The following ACACB variants were observed in gnomAD, a reference collection of about 807,000 sequenced individuals.
ACACB encodes acetyl-CoA carboxylase beta, also known as acetyl-CoA carboxylase 2.
A neutral mutation model predicts 278.8 loss-of-function variants in ACACB; 209 were observed. The ratio of observed to expected loss-of-function variants is 0.75; its 90% confidence interval spans 0.67 to 0.84. ACACB has a LOEUF of 0.84. ACACB is among the 40% of genes least tolerant of loss of function. The pLI is 0.00. For missense variants in ACACB, 2,850 were observed against 3,269.0 expected (o/e 0.87, Z 3.13); for synonymous variants, 1,174 against 1,285.6 (o/e 0.91, Z 1.86).
intron 36 of ACACB, chr12:109,241,694 A>G: frequency 4.6e-6 from 1 of 218,818 alleles, no homozygotes. Flanking sequence ...GTTGACTGTA[A>G]TGCAGTCCTC....
Position 109,185,493 on chromosome 12 carries a change from T to G in ACACB, c.1819-86T>G, listed in dbSNP as rs995089343. ...TATATCCTAAATCATTGACTGAACC[T>G]CCGTTGCATCTACCACTGTGCCTGG... On this transcript the variant is annotated intron_variant, in intron 11 of 52. Coordinates refer to ENST00000338432, the MANE Select transcript of ACACB (RefSeq NM_001093.4). The G allele has an allele frequency of 1.3e-4, 189 of 1,435,216 alleles. 1 individual carries two copies. The highest frequency in any genetic ancestry group is 8.3e-4 in the South Asian group (71 of 85,710). The allele number at this position is 1,435,216 out of a possible 1,614,324, so 88.9% of individuals were successfully genotyped here. A position where few individuals can be genotyped will look rare whatever the true frequency, so the allele number is the denominator to read the frequency against.
At chr12:109,257,617 C>T (rs1278247928) in intron 45 of ACACB, among the ~76,000 whole-genome samples, 1 of 152,166 alleles carries the variant, frequency 6.6e-6, no homozygotes, top group African/African-American at 2.4e-5. Context: ...GTCACCCAGG[C>T]TGGAGTGCAG....
intron 1 of ACACB, among the ~76,000 whole-genome samples, chr12:109,117,464 A>G (rs1218037126): frequency 6.6e-6 from 1 of 152,158 alleles, no homozygotes; most frequent in East Asian, 1.9e-4. Flanking sequence ...CTTTCTTTCA[A>G]TGTTGAAAAA....
Position 109,259,123 on chromosome 12 carries a change from G to A in ACACB, c.6496+15G>A, listed in dbSNP as rs370454977. The A allele has an allele frequency of 1.9e-6, 3 of 1,613,040 alleles. No individual in the cohort carries two copies. The highest frequency in any genetic ancestry group is 2.7e-5 in the African/African-American group (2 of 74,902). ...TGGCATGAAAGGTAAGCCCCTCCCT[G>A]CCTATGTTACCCCAAAGCCTTGGGG... On this transcript the variant is annotated intron_variant, in intron 47 of 52. Transcript: ENST00000338432.
intron 2 of ACACB, among the ~76,000 whole-genome samples, chr12:109,154,257 T>C (rs1160076720): frequency 6.6e-6 from 1 of 152,198 alleles, no homozygotes; most frequent in African/African-American, 2.4e-5. Context: ...CACTGGGTGA[T>C]TGCGCAGCCA....
At chr12:109,111,904 G>T (rs2042302358), upstream of ACACB, among the ~76,000 whole-genome samples, 1 of 151,970 alleles carries the variant, frequency 6.6e-6, no homozygotes, top group Non-Finnish European at 1.5e-5. Flanking sequence ...TACATTTTGT[G>T]GTCAGCAAGC....
chr12:109,204,166 T>C (rs2045421922), intron 19 of ACACB, among the ~76,000 whole-genome samples: 1 of 152,136 alleles, frequency 6.6e-6, no homozygotes, highest in Non-Finnish European at 1.5e-5. Flanking sequence ...ATTTTTCATT[T>C]CTTTGCGCTA....
At chr12:109,205,806 G>A (rs1457717479) in intron 19 of ACACB, among the ~76,000 whole-genome samples, 1 of 151,938 alleles carries the variant, frequency 6.6e-6, no homozygotes, top group African/African-American at 2.4e-5. Context: ...GTGGGGATGG[G>A]TGTGGGTGGA....
In ACACB at chr12:109,241,116, C is replaced by A; in HGVS notation, c.4857C>A (p.Gly1619=). The change falls in exon 36 of 53, where the codon GGC becomes GGA. Residue 1619 remains glycine (G), a synonymous_variant. Transcript: ENST00000338432. Reference sequence around the variant, plus strand: ...TGCGCTACATGGTTATGCGCTACGGCAGCCGGCTGTGGAAACTCCGTGTGC... The same window carrying A: ...TGCGCTACATGGTTATGCGCTACGGAAGCCGGCTGTGGAAACTCCGTGTGC... ...ESVRYMVMRY[G]SRLWKLRVLQ... The A allele has an allele frequency of 1.2e-6, 2 of 1,614,168 alleles. No homozygotes were observed. Among genetic ancestry groups the A allele is most frequent in the African/African-American group, 1.3e-5 (1 of 75,030 alleles).
intron 11 of ACACB, among the ~76,000 whole-genome samples, chr12:109,181,840 C>CTTTTTTTTTTTTTTTTTTTTTTTTTTTT (rs34174568): frequency 4.9e-5 from 4 of 81,550 alleles, no homozygotes; most frequent in Non-Finnish European, 6.4e-5. Context: ...TTTTCCTTTC[C>CTTTTTTTTTTTTTTTTTTTTTTTTTTTT]TTTTTTTTTT....
intron 9 of ACACB, among the ~76,000 whole-genome samples, chr12:109,176,765 T>C (rs1468290598): frequency 6.6e-6 from 1 of 152,176 alleles, no homozygotes; most frequent in Non-Finnish European, 1.5e-5. Flanking sequence ...TACAGGCGTG[T>C]GCCACCACAC....
chr12:109,148,399 G>T (rs754734187), intron 2 of ACACB, among the ~76,000 whole-genome samples: 1 of 152,118 alleles, frequency 6.6e-6, no homozygotes, highest in Non-Finnish European at 1.5e-5. Flanking sequence ...CTTGTACCCC[G>T]ACTTAGTATG....
chr12:109,162,784 AG>A (rs2043771650), intron 2 of ACACB, among the ~76,000 whole-genome samples: 1 of 152,128 alleles, frequency 6.6e-6, no homozygotes, highest in South Asian at 2.1e-4. Context: ...ATACTGACTC[AG>A]GGGATCCCCA....
intron 27 of ACACB, among the ~76,000 whole-genome samples, chr12:109,227,042 C>T (rs1038594074): frequency 1.3e-5 from 2 of 151,990 alleles, no homozygotes; most frequent in Non-Finnish European, 2.9e-5. Context: ...CCTCAACATC[C>T]TGTGCTCAAG....
intron 47 of ACACB, among the ~76,000 whole-genome samples, chr12:109,259,457 C>A (rs1166660459): frequency 6.6e-6 from 1 of 151,764 alleles, no homozygotes; most frequent in African/African-American, 2.4e-5. Context: ...CATGGTGGCA[C>A]ATGCCTATTG....
intron 21 of ACACB, 21 bp downstream of exon 21, chr12:109,209,374 C>A (rs771835869): frequency 6.3e-7 from 1 of 1,593,532 alleles, no homozygotes; most frequent in South Asian, 1.1e-5. Context: ...CCCTGCCCAG[C>A]CCCACCCCAC....
intron 28 of ACACB, among the ~76,000 whole-genome samples, chr12:109,229,562 C>G (rs1016670576): frequency 6.6e-6 from 1 of 152,116 alleles, no homozygotes; most frequent in Non-Finnish European, 1.5e-5. Flanking sequence ...TGGAGTCTCA[C>G]TCTGTCACCC....
rs772750970 is a variant in ACACB, at chr12:109,247,714, T to C, written c.5669+11T>C. 1 of 1,599,332 alleles carries C rather than the reference T, an allele frequency of 6.3e-7. No homozygotes were observed. The highest frequency in any genetic ancestry group is 1.1e-5 in the South Asian group (1 of 90,342). On this transcript the variant is annotated intron_variant, in intron 40 of 52. Coordinates refer to ENST00000338432, the MANE Select transcript of ACACB (RefSeq NM_001093.4). ...AGGAGGAGAGTCCAGGTAAATAACTTATCAGGTAGCTCCTTAATTTTGCTC... is the reference window on the plus strand; with the variant it reads ...AGGAGGAGAGTCCAGGTAAATAACTCATCAGGTAGCTCCTTAATTTTGCTC...
intron 6 of ACACB, among the ~76,000 whole-genome samples, chr12:109,173,873 T>A (rs550500899): frequency 6.6e-6 from 1 of 152,374 alleles, no homozygotes; most frequent in African/African-American, 2.4e-5. Flanking sequence ...GAATTTTGTA[T>A]ATGCCACTGT....
Sources: gnomAD v4.1 joint callset for allele counts (sites outside exome capture counted in the v4.1 genomes callset) on GRCh38, gnomAD v4.1.1 for gene constraint, MANE v1.5 for transcripts, NCBI Gene and HGNC (gene_info 2026-07-23, HGNC 2026-07-21) for gene names.